NYAP2: variants seen among roughly 807,000 people sequenced by gnomAD.
NYAP2 encodes neuronal tyrosine-phosphorylated phosphoinositide-3-kinase adaptor 2.
Under a neutral mutation model 50.4 loss-of-function variants are expected in NYAP2, and 23 were observed. The observed-to-expected ratio is 0.46, with a 90% confidence interval of 0.33 to 0.65. NYAP2 has a LOEUF of 0.65. Ranked by LOEUF, NYAP2 falls within the 30% of genes least tolerant of loss-of-function variation. The pLI is 0.02. For missense variants in NYAP2, 885 were observed against 861.0 expected (o/e 1.03, Z -0.35); for synonymous variants, 394 against 365.2 (o/e 1.08, Z -0.90).
chr2:225,614,366 A>G (rs552552769), intron 5 of NYAP2, among the ~76,000 whole-genome samples: 1 of 152,338 alleles, frequency 6.6e-6, no homozygotes, highest in Non-Finnish European at 1.5e-5. Context: ...ATGAAAAACT[A>G]TTTGAAAATT....
chr2:225,642,799 A>C (rs1693555712), intron 6 of NYAP2, among the ~76,000 whole-genome samples: 1 of 152,206 alleles, frequency 6.6e-6, no homozygotes, highest in African/African-American at 2.4e-5. Context: ...CCAGAAAAAG[A>C]GGAAATTGAT....
chr2:225,496,125 C>T (rs779143097), intron 3 of NYAP2, among the ~76,000 whole-genome samples: 11 of 152,178 alleles, frequency 7.2e-5, no homozygotes, highest in African/African-American at 1.2e-4. Context: ...GACCAAGGAA[C>T]GGAAAAAGTT....
chr2:225,553,474 C>G (rs1028567323), intron 4 of NYAP2, among the ~76,000 whole-genome samples: 4 of 152,194 alleles, frequency 2.6e-5, no homozygotes, highest in African/African-American at 9.6e-5. Context: ...TTTTAATAAC[C>G]ATCTTTGCCA....
intron 4 of NYAP2, among the ~76,000 whole-genome samples, chr2:225,525,452 T>C (rs1300702294): frequency 1.3e-5 from 2 of 152,186 alleles, no homozygotes; most frequent in Non-Finnish European, 2.9e-5. Flanking sequence ...GCCATAACAA[T>C]GAATGAAATG....
chr2:225,459,605 G>T (rs1040812622), intron 3 of NYAP2, among the ~76,000 whole-genome samples: 2 of 151,540 alleles, frequency 1.3e-5, no homozygotes, highest in African/African-American at 4.9e-5. Context: ...ATGGATTAGG[G>T]CTACATTTTT....
chr2:225,627,180 C>G, intron 6 of NYAP2, 54 bp downstream of exon 6: 1 of 1,294,280 alleles, frequency 7.7e-7, no homozygotes, highest in Non-Finnish European at 1.1e-6. Flanking sequence ...CTAGAGACTA[C>G]TTTCATGCAA....
Position 225,543,099 on chromosome 2 carries a change from G to C in NYAP2, c.523+29427G>C, listed in dbSNP as rs1254293747. On this transcript the variant is annotated intron_variant, in intron 4 of 6. Transcript: ENST00000636099. ...TAATCATTTGAATTTCTGCATTGTT[G>C]GTTGTAATATCTTCTTTATCATATC... 2.0e-5 allele frequency among the ~76,000 whole-genome samples: 3 copies of C among 151,678 alleles called. No homozygotes were observed. In the East Asian group the frequency reaches 5.8e-4, roughly 29 times the overall value.
chr2:225,648,564 GA>G lies in NYAP2; in HGVS notation c.1829-2861del, dbSNP rs894772050. On this transcript the variant is annotated intron_variant, in intron 6 of 6. Coordinates refer to ENST00000636099, the Ensembl canonical transcript of NYAP2. ...TAACTATAAGAGCCATTGCAAGGGG[GA>G]AAAAAAGCAAATTCCAACAGGACTA... 1.0e-3 allele frequency among the ~76,000 whole-genome samples: 155 copies of G among 151,812 alleles called. 2 individuals are homozygous for G. Among genetic ancestry groups the G allele is most frequent in the Admixed American group, 2.4e-3 (36 of 15,238 alleles).
chr2:225,684,479 C>T, the NYAP2 span, among the ~76,000 whole-genome samples: 1 of 151,552 alleles, frequency 6.6e-6, no homozygotes, highest in Non-Finnish European at 1.5e-5. Context: ...CCCCAGCTCT[C>T]ACCTTTCTCT....
chr2:225,645,497 C>G (rs1693617100), intron 6 of NYAP2, among the ~76,000 whole-genome samples: 1 of 151,846 alleles, frequency 6.6e-6, no homozygotes, highest in African/African-American at 2.4e-5. Context: ...GCCTTTCTCT[C>G]TCTCTCTTTC....
Position 225,577,776 on chromosome 2 carries a change from C to T in NYAP2, c.524-4165C>T, listed in dbSNP as rs539297889. 1.0e-4 allele frequency among the ~76,000 whole-genome samples: 15 copies of T among 150,584 alleles called. No individual in the cohort carries two copies. The South Asian group carries it at 3.1e-3, about 32-fold the overall frequency. On this transcript the variant is annotated intron_variant, in intron 4 of 6. Coordinates refer to ENST00000636099, the Ensembl canonical transcript of NYAP2. ...TTTACCTCGAAGAACCATGAGATTA[C>T]AAGGACGGATGTCAGGGAATGAAAA...
intron 5 of NYAP2, among the ~76,000 whole-genome samples, chr2:225,620,431 G>A (rs1345138957): frequency 5.8e-4 from 17 of 29,208 alleles, no homozygotes; most frequent in Admixed American, 3.0e-3. Flanking sequence ...GCACACGCAC[G>A]CACACACGCA....
At chr2:225,528,212 C>T (rs1385995135) in intron 4 of NYAP2, among the ~76,000 whole-genome samples, 1 of 152,134 alleles carries the variant, frequency 6.6e-6, no homozygotes, top group Non-Finnish European at 1.5e-5. Context: ...AACCATGCAG[C>T]TATCTGGTTG....
At chr2:225,460,306 G>T (rs980927812) in intron 3 of NYAP2, among the ~76,000 whole-genome samples, 1 of 152,156 alleles carries the variant, frequency 6.6e-6, no homozygotes, top group Non-Finnish European at 1.5e-5. Flanking sequence ...TACTAGGGTT[G>T]TTCATGGTAG....
chr2:225,683,163 G>A, the NYAP2 span, among the ~76,000 whole-genome samples: 1 of 152,120 alleles, frequency 6.6e-6, no homozygotes. Context: ...AGAGGCGTAG[G>A]GACAAGCCTG....
chr2:225,444,840 T>C (rs1689526519), intron 3 of NYAP2, among the ~76,000 whole-genome samples: 1 of 152,214 alleles, frequency 6.6e-6, no homozygotes, highest in Non-Finnish European at 1.5e-5. Flanking sequence ...TATAATAGCA[T>C]GTTAAAAGAC....
intron 2 of NYAP2, among the ~76,000 whole-genome samples, chr2:225,402,412 A>G (rs1694877785): frequency 6.6e-6 from 1 of 152,050 alleles, no homozygotes; most frequent in African/African-American, 2.4e-5. Flanking sequence ...AATGCCTTGT[A>G]AGCATCTGGA....
downstream of NYAP2, among the ~76,000 whole-genome samples, chr2:225,656,110 C>T (rs1693820970): frequency 6.6e-6 from 1 of 152,170 alleles, no homozygotes; most frequent in Non-Finnish European, 1.5e-5. Flanking sequence ...TATCTCTGAT[C>T]ATCCTTGATT....
At chr2:225,620,513 G>GA (rs766911851) in intron 5 of NYAP2, among the ~76,000 whole-genome samples, 43 of 151,736 alleles carry the variant, frequency 2.8e-4, no homozygotes, top group Admixed American at 7.2e-4. Context: ...ACACACACAT[G>GA]AAAAAACAGA....
Sources: allele counts gnomAD v4.1 joint callset (sites outside exome capture counted in the v4.1 genomes callset), GRCh38; gene constraint gnomAD v4.1.1; transcripts MANE v1.5; gene names NCBI Gene and HGNC (gene_info 2026-07-23, HGNC 2026-07-21).